NALCN: variants seen among roughly 807,000 people sequenced by gnomAD.
NALCN encodes sodium leak channel, non-selective.
A neutral mutation model predicts 225.3 loss-of-function variants in NALCN; 111 were observed. The ratio of observed to expected loss-of-function variants is 0.49; its 90% CI spans 0.42 to 0.58. NALCN has a LOEUF of 0.58. Among genes scored for constraint, NALCN ranks in the 20% least tolerant of loss-of-function variants. The probability of loss-of-function intolerance (pLI) is 0.00; values close to 1 mark genes in which losing one functional copy is unlikely to be tolerated. For synonymous variants in NALCN, 764 were observed against 769.0 expected, an observed-to-expected ratio of 0.99 and a Z score of 0.11; for missense variants, 1,378 against 2,202.4, an observed-to-expected ratio of 0.63 and a Z score of 7.49.
At chr13:101,270,103 A>G (rs1029501404) in intron 10 of NALCN, among the ~76,000 whole-genome samples, 3 of 152,216 alleles carry the variant, frequency 2.0e-5, no homozygotes, top group Non-Finnish European at 4.4e-5. Context: ...CAATTTGAAT[A>G]TACATGATGT....
At chr13:101,130,470 T>C (rs2036464306) in intron 17 of NALCN, among the ~76,000 whole-genome samples, 1 of 152,220 alleles carries the variant, frequency 6.6e-6, no homozygotes, top group Non-Finnish European at 1.5e-5. Context: ...AGAGTCCCTT[T>C]TGGAGTTCAT....
At chr13:101,339,478 G>T (rs1021243600) in intron 7 of NALCN, among the ~76,000 whole-genome samples, 1 of 152,164 alleles carries the variant, frequency 6.6e-6, no homozygotes, top group South Asian at 2.1e-4. Flanking sequence ...ATGGAAAGGT[G>T]CATAAATGGA....
rs376455007 is a variant in NALCN at position 101,064,905 on chromosome 13, C to T, written c.4604+499G>A. Among the ~76,000 whole-genome samples the T allele has an allele frequency of 3.3e-5, 5 of 152,312 alleles. No individual in the cohort carries two copies. In the East Asian group the frequency reaches 5.8e-4, roughly 18 times the overall value. On this transcript the variant is annotated intron_variant, in intron 40 of 43. Coordinates refer to ENST00000251127, the MANE Select transcript of NALCN (RefSeq NM_052867.4). ...CATTTGACCCTCTGTCCTGTCTGGG[C>T]GCTCATGAAATGTCTGGAAAATCTG...
intron 13 of NALCN, among the ~76,000 whole-genome samples, chr13:101,215,455 T>G (rs1413248): frequency 2.0e-5 from 3 of 151,916 alleles, no homozygotes; most frequent in Non-Finnish European, 1.5e-5. Flanking sequence ...GGTCAGAATG[T>G]GGGCATGGTG....
rs184112429 is a variant in NALCN at position 101,222,603 on chromosome 13, C to G, written c.1626+6790G>C. 2.0e-3 allele frequency among the ~76,000 whole-genome samples: 305 copies of G among 152,310 alleles called. 4 individuals carry two copies. Among genetic ancestry groups the G allele is most frequent in the African/African-American group, 7.0e-3 (292 of 41,564 alleles). ...GAGGGATAGCGTTATGATACCCACT[C>G]TCTCCCATCTAGAAGAGTGATAGAG... On this transcript the variant is annotated intron_variant, in intron 13 of 43. Coordinates refer to ENST00000251127, the MANE Select transcript of NALCN (RefSeq NM_052867.4).
At chr13:101,082,008 G>A (rs2033679734) in intron 33 of NALCN, among the ~76,000 whole-genome samples, 1 of 152,044 alleles carries the variant, frequency 6.6e-6, no homozygotes, top group Non-Finnish European at 1.5e-5. Context: ...CTCCCGAGTA[G>A]CTGAGATTAT....
In NALCN at chr13:101,346,087, C is replaced by CTCTCTATATATATATA; in HGVS notation, c.645-668_645-667insTATATATATATAGAGA. Among the ~76,000 whole-genome samples, 97 of 70,934 alleles carry CTCTCTATATATATATA rather than the reference C, an allele frequency of 1.4e-3. 1 individual carries two copies. The highest frequency in any genetic ancestry group is 4.4e-3 in the African/African-American group (79 of 17,792). The allele number at this position is 70,934 out of a possible 152,430, so 46.5% of individuals were successfully genotyped here. Reference sequence around the variant, plus strand: ...TCTCTCTCTCTCTCTCTCTCTCTCTCTATATATATATATATATATATATAT... The same window carrying CTCTCTATATATATATA: ...TCTCTCTCTCTCTCTCTCTCTCTCTCTCTCTATATATATATATATATATATATATATATATATATAT... On this transcript the variant is annotated intron_variant, in intron 6 of 43. Coordinates refer to ENST00000251127, the MANE Select transcript of NALCN (RefSeq NM_052867.4).
intron 41 of NALCN, among the ~76,000 whole-genome samples, chr13:101,060,388 C>T (rs1286829935): frequency 1.4e-5 from 2 of 144,344 alleles, no homozygotes; most frequent in East Asian, 2.2e-4. Context: ...AAGCTATGCT[C>T]CTGCCTCAGC....
intron 13 of NALCN, among the ~76,000 whole-genome samples, chr13:101,197,533 G>A (rs1429953819): frequency 6.6e-6 from 1 of 152,136 alleles, no homozygotes; most frequent in Non-Finnish European, 1.5e-5. Context: ...GTAAACAACT[G>A]TGTTTACAAG....
chr13:101,315,013 AG>A (rs1241804964), intron 7 of NALCN, among the ~76,000 whole-genome samples: 3 of 152,270 alleles, frequency 2.0e-5, no homozygotes, highest in African/African-American at 4.8e-5. Flanking sequence ...ACAAAGGAAA[AG>A]GGTTAACGAT....
chr13:101,259,585 C>T (rs989169475), intron 10 of NALCN, among the ~76,000 whole-genome samples: 1 of 151,500 alleles, frequency 6.6e-6, no homozygotes, highest in Admixed American at 6.6e-5. Context: ...CCGCCCGCCT[C>T]GGCCTCCCAA....
chr13:101,345,771 T>TATATATA (rs56015893), intron 6 of NALCN, among the ~76,000 whole-genome samples: 3 of 117,010 alleles, frequency 2.6e-5, no homozygotes, highest in African/African-American at 3.6e-5. Flanking sequence ...TATATATATA[T>TATATATA]TTAGAGAGGG....
rs375206188 is a variant in NALCN, at chr13:101,251,461, C to T, written c.1266+6982G>A. On this transcript the variant is annotated intron_variant, in intron 11 of 43. Coordinates refer to ENST00000251127, the MANE Select transcript of NALCN (RefSeq NM_052867.4). ...CTACTCTACTAATGATGTTTTATTT[C>T]TGATTGAAAAACCTGACCCAAACAT... Among the ~76,000 whole-genome samples the T allele has an allele frequency of 8.5e-5, 13 of 152,116 alleles. No homozygotes were observed. In the East Asian group the frequency reaches 1.7e-3, roughly 20 times the overall value.
At chr13:101,269,465 C>A (rs2140247438) in intron 10 of NALCN, among the ~76,000 whole-genome samples, 1 of 152,186 alleles carries the variant, frequency 6.6e-6, no homozygotes, top group East Asian at 1.9e-4. Context: ...GTTAACTGGA[C>A]CATGAGCCAG....
At chr13:101,171,338 T>G (rs533158782) in intron 15 of NALCN, among the ~76,000 whole-genome samples, 3 of 148,978 alleles carry the variant, frequency 2.0e-5, no homozygotes, top group Non-Finnish European at 4.5e-5. Context: ...ATTACATATA[T>G]GTAATACAAA....
rs957335321 is a variant in NALCN, at chr13:101,054,471, A to G, written c.*824T>C. On this transcript the variant is annotated 3_prime_UTR_variant, in exon 44 of 44. Transcript: ENST00000251127. The stretch of plus-strand genomic sequence containing the variant: ...ATCACACATGCAAAGATTTTTTTAA[A>G]TAAATTGAGCTATATAGTTTTATTC... 49 of 152,342 alleles carry G rather than the reference A, an allele frequency of 3.2e-4. No individual in the cohort carries two copies. The highest frequency in any genetic ancestry group is 1.2e-3 in the African/African-American group (49 of 41,594). 9.4% of individuals were successfully genotyped at this position (152,342 alleles called of 1,614,324 possible). A position where few individuals can be genotyped will look rare whatever the true frequency, so the allele number is the denominator to read the frequency against.
intron 11 of NALCN, among the ~76,000 whole-genome samples, chr13:101,250,743 A>T (rs1343995879): frequency 2.0e-5 from 3 of 151,972 alleles, no homozygotes; most frequent in Non-Finnish European, 4.4e-5. Context: ...GTTAAAATTA[A>T]TAACTTCTAT....
At chr13:101,141,954 C>A (rs2037101138) in intron 17 of NALCN, among the ~76,000 whole-genome samples, 1 of 151,992 alleles carries the variant, frequency 6.6e-6, no homozygotes, top group African/African-American at 2.4e-5. Context: ...TGTTTAATCT[C>A]TTTAATATTA....
intron 30 of NALCN, among the ~76,000 whole-genome samples, chr13:101,084,873 G>A (rs2033854203): frequency 6.6e-6 from 1 of 152,160 alleles, no homozygotes; most frequent in Non-Finnish European, 1.5e-5. Context: ...TTTACCAGAT[G>A]TTGCCAACTT....
Sources: allele counts gnomAD v4.1 joint callset (sites outside exome capture counted in the v4.1 genomes callset), GRCh38; gene constraint gnomAD v4.1.1; transcripts MANE v1.5; gene names NCBI Gene and HGNC (gene_info 2026-07-23, HGNC 2026-07-21).